CDKAL1: variants seen among roughly 807,000 people sequenced by gnomAD.
CDKAL1 encodes the protein CDKAL1 threonylcarbamoyladenosine tRNA methylthiotransferase, also known as threonylcarbamoyladenosine tRNA methylthiotransferase.
In CDKAL1, 32 loss-of-function variants were observed where a neutral mutation model predicts 68.2. The observed-to-expected ratio is 0.47, with a 90% CI of 0.35 to 0.63. The LOEUF (loss-of-function observed/expected upper bound fraction) is 0.63, where lower values mean the gene tolerates loss of function less well. Among genes scored for constraint, CDKAL1 ranks in the 30% least tolerant of loss-of-function variants. The pLI is 0.00. For missense variants in CDKAL1, 606 were observed against 696.7 expected (o/e 0.87, Z 1.47); for synonymous variants, 234 against 244.3 (o/e 0.96, Z 0.39).
chr6:20,582,102 GA>G (rs780135032), intron 4 of CDKAL1, among the ~76,000 whole-genome samples: 3 of 151,986 alleles, frequency 2.0e-5, no homozygotes, highest in Non-Finnish European at 2.9e-5. Context: ...TTGTTTATAA[GA>G]CATTTTATGG....
intron 10 of CDKAL1, among the ~76,000 whole-genome samples, chr6:20,976,091 G>A (rs1765832931): frequency 6.6e-6 from 1 of 151,760 alleles, no homozygotes; most frequent in Non-Finnish European, 1.5e-5. Context: ...CCATAGTTTC[G>A]CCTTTTCCAG....
intron 4 of CDKAL1, among the ~76,000 whole-genome samples, chr6:20,639,845 A>G (rs1413648553): frequency 6.6e-6 from 1 of 151,988 alleles, no homozygotes; most frequent in Non-Finnish European, 1.5e-5. Context: ...TAATTTTTGT[A>G]TTTTTAGTAG....
At chr6:20,613,249 CTTTTTTTTTTTTTTTTTTTTTTTTTTT>C (rs71559677) in intron 4 of CDKAL1, among the ~76,000 whole-genome samples, 7 of 77,862 alleles carry the variant, frequency 9.0e-5, no homozygotes, top group South Asian at 4.2e-4. Flanking sequence ...AAATTTCTTT[CTTTTTTTTTTTTTTTTTTTTTTTTTTT>C]TTTTTTTTTT....
intron 15 of CDKAL1, among the ~76,000 whole-genome samples, chr6:21,228,198 T>A (rs954346876): frequency 6.6e-6 from 1 of 152,102 alleles, no homozygotes; most frequent in African/African-American, 2.4e-5. Flanking sequence ...GTACCTAATT[T>A]TGTATTCATT....
In CDKAL1 at chr6:20,781,330, T is replaced by C. The variant is rs1336822835; in HGVS notation, c.638+65T>C. On this transcript the variant is annotated intron_variant, in intron 8 of 15. Transcript: ENST00000274695. ...ATTTCATGAATTCAGTTTTTTTTTCTTGGACATGTGACATAGAAAAGTAGC... is the reference window on the plus strand; with the variant it reads ...ATTTCATGAATTCAGTTTTTTTTTCCTGGACATGTGACATAGAAAAGTAGC... 4 of 1,405,626 alleles carry C rather than the reference T, an allele frequency of 2.8e-6. No homozygotes were observed. In the African/African-American group the frequency reaches 4.3e-5, roughly 15 times the overall value. 87.1% of individuals were successfully genotyped at this position (1,405,626 alleles called of 1,614,324 possible).
chr6:20,781,095 A>G, intron 7 of CDKAL1, 50 bp from the exon 8 acceptor site: 4 of 1,573,698 alleles, frequency 2.5e-6, no homozygotes, highest in Admixed American at 3.7e-5. Flanking sequence ...GTTAAGTTAC[A>G]GTGAAGTGTG....
intron 8 of CDKAL1, among the ~76,000 whole-genome samples, chr6:20,824,706 A>G (rs1444149975): frequency 2.6e-5 from 4 of 152,194 alleles, no homozygotes; most frequent in Admixed American, 2.0e-4. Context: ...CACTTTTACC[A>G]TACTTAACTG....
At position 20,780,020 on chromosome 6, in the gene CDKAL1, A is replaced by G. The variant is rs77577039; in HGVS notation, c.518-1125A>G. Reference sequence around the variant, plus strand: ...TCCCAGCACTTTGGGAGGCTGAGACAGGAGGACTGCTTGAGCCCAGGAGTT... The same window carrying G: ...TCCCAGCACTTTGGGAGGCTGAGACGGGAGGACTGCTTGAGCCCAGGAGTT... On this transcript the variant is annotated intron_variant, in intron 7 of 15. Transcript: ENST00000274695. 1.3e-4 allele frequency among the ~76,000 whole-genome samples: 19 copies of G among 151,684 alleles called. No homozygotes were observed. The East Asian group carries it at 3.7e-3, about 30-fold the overall frequency.
intron 4 of CDKAL1, among the ~76,000 whole-genome samples, chr6:20,629,614 G>A (rs1767584849): frequency 6.6e-6 from 1 of 152,064 alleles, no homozygotes; most frequent in African/African-American, 2.4e-5. Flanking sequence ...CCTGCTGCCT[G>A]GGAGTGATAC....
chr6:21,092,921 A>C (rs1214796652), intron 12 of CDKAL1, among the ~76,000 whole-genome samples: 1 of 151,236 alleles, frequency 6.6e-6, no homozygotes, highest in Non-Finnish European at 1.5e-5. Context: ...AAATCTCTAG[A>C]AAGTAGAACC....
chr6:20,905,531 G>A (rs2150608927), intron 9 of CDKAL1, among the ~76,000 whole-genome samples: 1 of 152,294 alleles, frequency 6.6e-6, no homozygotes, highest in Admixed American at 6.5e-5. Flanking sequence ...TATTTGAAGA[G>A]ATAATGGTGG....
chr6:20,838,026 G>T lies in CDKAL1; in HGVS notation c.639-8049G>T, dbSNP rs7749282. On this transcript the variant is annotated intron_variant, in intron 8 of 15. Transcript: ENST00000274695. ...TTTTTATATATGTATACATCTACTTGTATATATGTATACATCTACTTTTAT... is the reference window on the plus strand; with the variant it reads ...TTTTTATATATGTATACATCTACTTTTATATATGTATACATCTACTTTTAT... Among the ~76,000 whole-genome samples the T allele has an allele frequency of 4.0e-5, 6 of 148,192 alleles. No individual in the cohort carries two copies. In the South Asian group the frequency reaches 1.3e-3, roughly 32 times the overall value.
At chr6:20,798,433 A>G (rs954873727) in intron 8 of CDKAL1, among the ~76,000 whole-genome samples, 3 of 152,206 alleles carry the variant, frequency 2.0e-5, no homozygotes, top group Non-Finnish European at 4.4e-5. Context: ...GAACCAGGGT[A>G]GATTGAAAAT....
Position 21,120,987 on chromosome 6 carries a change from T to C in CDKAL1, c.1299+12524T>C, listed in dbSNP as rs1194759722. Among the ~76,000 whole-genome samples the C allele has an allele frequency of 2.0e-5, 3 of 152,318 alleles. No individual in the cohort carries two copies. In the East Asian group the frequency reaches 5.8e-4, roughly 29 times the overall value. On this transcript the variant is annotated intron_variant, in intron 13 of 15. Coordinates refer to ENST00000274695, the MANE Select transcript of CDKAL1 (RefSeq NM_017774.3). ...GGATAAATTCCTAGAAGTGAATATC[T>C]AGATATTAGATGTGTACATATTAAA...
intron 5 of CDKAL1, among the ~76,000 whole-genome samples, chr6:20,703,797 A>G (rs1360027747): frequency 2.0e-5 from 3 of 152,182 alleles, no homozygotes; most frequent in Non-Finnish European, 4.4e-5. Context: ...TAGTAAGTGT[A>G]AAAACATGAT....
At chr6:20,890,274 G>A (rs1761323869) in intron 9 of CDKAL1, among the ~76,000 whole-genome samples, 2 of 152,176 alleles carry the variant, frequency 1.3e-5, no homozygotes, top group Non-Finnish European at 1.5e-5. Context: ...ACATCTTGAT[G>A]TTTCTTATTG....
chr6:21,228,003 T>A (rs1779816596), intron 15 of CDKAL1, among the ~76,000 whole-genome samples: 1 of 152,158 alleles, frequency 6.6e-6, no homozygotes. Context: ...GCTTAAGATT[T>A]TAAGACTCAC....
At chr6:20,712,842 A>C (rs188124626) in intron 5 of CDKAL1, among the ~76,000 whole-genome samples, 1 of 152,048 alleles carries the variant, frequency 6.6e-6, no homozygotes, top group Non-Finnish European at 1.5e-5. Context: ...GGGTTTCACC[A>C]TGTTGGCCAG....
At chr6:21,173,186 T>C (rs960772686) in intron 13 of CDKAL1, among the ~76,000 whole-genome samples, 2 of 151,986 alleles carry the variant, frequency 1.3e-5, no homozygotes, top group African/African-American at 4.8e-5. Context: ...TGAGTAATTG[T>C]GCCTATTTTT....
Sources: gnomAD v4.1 joint callset for allele counts (sites outside exome capture counted in the v4.1 genomes callset) on GRCh38, gnomAD v4.1.1 for gene constraint, MANE v1.5 for transcripts, NCBI Gene and HGNC (gene_info 2026-07-23, HGNC 2026-07-21) for gene names.